Variants in NMNAT3 observed in about 807,000 individuals in gnomAD.
The protein encoded by NMNAT3 is nicotinamide nucleotide adenylyltransferase 3, also known as nicotinamide/nicotinic acid mononucleotide adenylyltransferase 3.
In NMNAT3, 21 loss-of-function variants were observed where a neutral mutation model predicts 24.8. The observed-to-expected ratio is 0.85, with a 90% CI of 0.60 to 1.22. NMNAT3 has a LOEUF of 1.22. Among genes scored for constraint, NMNAT3 ranks in the 50% most tolerant of loss-of-function variants. The probability of loss-of-function intolerance (pLI) is 0.00; values close to 1 mark genes in which losing one functional copy is unlikely to be tolerated. For synonymous variants in NMNAT3, 136 were observed against 155.2 expected (o/e 0.88, Z 0.92); for missense variants, 387 against 436.6 (o/e 0.89, Z 1.01).
At chr3:139,610,234 C>G (rs2055145964) in intron 3 of NMNAT3, among the ~76,000 whole-genome samples, 1 of 152,106 alleles carries the variant, frequency 6.6e-6, no homozygotes, top group African/African-American at 2.4e-5. Flanking sequence ...TATCCCCTGA[C>G]CTGGTGCAGT....
intron 2 of NMNAT3, among the ~76,000 whole-genome samples, chr3:139,629,577 G>GATGGTCTTAGCTGTA (rs1202032146): frequency 1.3e-5 from 2 of 152,306 alleles, no homozygotes; most frequent in East Asian, 3.9e-4. Flanking sequence ...ATCTTGCTGT[G>GATGGTCTTAGCTGTA]ATGGTCTTAG....
intron 4 of NMNAT3, among the ~76,000 whole-genome samples, chr3:139,581,700 A>G (rs947420303): frequency 7.9e-5 from 12 of 152,092 alleles, no homozygotes; most frequent in Non-Finnish European, 1.2e-4. Context: ...GGGGTTGGAG[A>G]GCGTGGAAGT....
At chr3:139,574,601 A>G (rs1939009269) in intron 5 of NMNAT3, among the ~76,000 whole-genome samples, 1 of 152,058 alleles carries the variant, frequency 6.6e-6, no homozygotes, top group African/African-American at 2.4e-5. Flanking sequence ...CTAGAACTGT[A>G]TTTAGGGGGC....
intron 3 of NMNAT3, among the ~76,000 whole-genome samples, chr3:139,625,810 A>AT (rs975181476): frequency 1.3e-5 from 2 of 151,980 alleles, no homozygotes; most frequent in African/African-American, 4.8e-5. Flanking sequence ...AGAATTTAGC[A>AT]TTTTTTGTAG....
At chr3:139,655,024 A>T (rs2057191107) in intron 1 of NMNAT3, among the ~76,000 whole-genome samples, 1 of 152,206 alleles carries the variant, frequency 6.6e-6, no homozygotes, top group Non-Finnish European at 1.5e-5. Flanking sequence ...CGGTCAGGTT[A>T]AGAGGGGGAT....
intron 6 of NMNAT3, chr3:139,570,364 A>T (rs1482180819): frequency 3.9e-5 from 6 of 152,196 alleles, no homozygotes; most frequent in Admixed American, 2.6e-4. Flanking sequence ...TTCTCTGTCC[A>T]ACTTTGTTCC....
In NMNAT3 at chr3:139,645,330, G is replaced by A. The variant is rs115956969; in HGVS notation, c.-140-7268C>T. 4.4e-3 allele frequency among the ~76,000 whole-genome samples: 664 copies of A among 152,328 alleles called. 5 individuals carry two copies. Among genetic ancestry groups the A allele is most frequent in the Non-Finnish European group, 6.5e-3 (443 of 68,030 alleles). ...TAGATACTGATTAAAGTTGATGAAT[G>A]AGAGGCACAGATTTGTTGTGAATAA... On this transcript the variant is annotated intron_variant, in intron 1 of 6. Coordinates refer to ENST00000643695, the MANE Select transcript of NMNAT3 (RefSeq NM_001320510.2).
chr3:139,608,167 A>T (rs533368784), intron 3 of NMNAT3, among the ~76,000 whole-genome samples: 1 of 152,308 alleles, frequency 6.6e-6, no homozygotes, highest in South Asian at 2.1e-4. Context: ...TGGCCTTGGC[A>T]TATTAACCCT....
intron 3 of NMNAT3, 110 bp downstream of exon 4, chr3:139,627,506 T>C (rs2056104786): frequency 1.7e-6 from 1 of 593,272 alleles, no homozygotes; most frequent in Non-Finnish European, 2.9e-6. Context: ...CCACTAGTTA[T>C]GCTGTGAATA....
intron 4 of NMNAT3, chr3:139,582,811 G>A: frequency 2.0e-6 from 1 of 508,354 alleles, no homozygotes; most frequent in East Asian, 3.4e-5. Flanking sequence ...AGTAAATGTG[G>A]CAAAATATAT....
At chr3:139,566,914 G>C (rs1454922257) in intron 6 of NMNAT3, 6 of 152,112 alleles carry the variant, frequency 3.9e-5, no homozygotes, top group Non-Finnish European at 5.9e-5. Context: ...TCATTGGTAG[G>C]TTGATGGAGA....
chr3:139,580,814 CT>C (rs35512516), intron 4 of NMNAT3, among the ~76,000 whole-genome samples: 15 of 149,246 alleles, frequency 1.0e-4, no homozygotes, highest in African/African-American at 3.2e-4. Flanking sequence ...TTGTGATATT[CT>C]TTTTTTTTTG....
Position 139,601,733 on chromosome 3 carries a change from G to T in NMNAT3, c.110-18525C>A, listed in dbSNP as rs1476205862. ...GGGGGATAAAGTCCCAAGGGAGTTGGACAGTCTCCAGATGGGTAGTCACTG... is the reference window on the plus strand; with the variant it reads ...GGGGGATAAAGTCCCAAGGGAGTTGTACAGTCTCCAGATGGGTAGTCACTG... On this transcript the variant is annotated intron_variant, in intron 3 of 6. Transcript: ENST00000643695. Among the ~76,000 whole-genome samples the T allele has an allele frequency of 2.0e-5, 3 of 152,162 alleles. No homozygotes were observed. The East Asian group carries it at 5.8e-4, about 29-fold the overall frequency.
Position 139,649,955 on chromosome 3 carries a change from G to A in NMNAT3, c.-140-11893C>T, listed in dbSNP as rs530489483. Reference sequence around the variant, plus strand: ...AGGGGCCATGAAGAGATGAATGGGAGTGTGTCTCAAGACCCCAAAGCAAAG... The same window carrying A: ...AGGGGCCATGAAGAGATGAATGGGAATGTGTCTCAAGACCCCAAAGCAAAG... On this transcript the variant is annotated intron_variant, in intron 1 of 6. Coordinates refer to ENST00000643695, the MANE Select transcript of NMNAT3 (RefSeq NM_001320510.2). 2.0e-5 allele frequency among the ~76,000 whole-genome samples: 3 copies of A among 152,312 alleles called. No individual in the cohort carries two copies. The South Asian group carries it at 6.2e-4, about 32-fold the overall frequency.
chr3:139,669,357 C>A (rs1314059712), intron 1 of NMNAT3, among the ~76,000 whole-genome samples: 1 of 151,698 alleles, frequency 6.6e-6, no homozygotes, highest in Non-Finnish European at 1.5e-5. Context: ...TGCCTGTAGT[C>A]CCAGCTACTC....
chr3:139,670,609 G>A (rs895135195), intron 1 of NMNAT3, among the ~76,000 whole-genome samples: 1 of 152,204 alleles, frequency 6.6e-6, no homozygotes, highest in African/African-American at 2.4e-5. Context: ...CCAGCATTAG[G>A]TAGCAAAGAA....
intron 6 of NMNAT3, among the ~76,000 whole-genome samples, chr3:139,571,757 A>G (rs1317279626): frequency 6.6e-6 from 1 of 152,028 alleles, no homozygotes; most frequent in African/African-American, 2.4e-5. Context: ...ACAGACAGAT[A>G]GGTTTTCAAT....
rs1032114714 is a variant in NMNAT3, at chr3:139,605,717, GT to G, written c.109+21898del. ...GCAGGCCCATTTGCCTGGCTTTGAA[GT>G]TTTTTTTTTATGTTTTTGGTGCTTG... On this transcript the variant is annotated intron_variant, in intron 3 of 6. Transcript: ENST00000643695. 1.2e-4 allele frequency among the ~76,000 whole-genome samples: 18 copies of G among 149,092 alleles called. No individual in the cohort carries two copies. In the East Asian group the frequency reaches 1.6e-3, roughly 13 times the overall value.
chr3:139,677,172 T>G (rs527861340), intron 1 of NMNAT3, among the ~76,000 whole-genome samples: 1 of 152,128 alleles, frequency 6.6e-6, no homozygotes, highest in African/African-American at 2.4e-5. Flanking sequence ...CCTGATAAAA[T>G]CTCTCCAGCA....
Sources: gnomAD v4.1 joint callset for allele counts (sites outside exome capture counted in the v4.1 genomes callset) on GRCh38, gnomAD v4.1.1 for gene constraint, MANE v1.5 for transcripts, NCBI Gene and HGNC (gene_info 2026-07-23, HGNC 2026-07-21) for gene names.